The following CARD16 variants were observed in gnomAD, a reference collection of about 807,000 sequenced individuals.
CARD16 encodes caspase recruitment domain family member 16.
CARD16 carries 8 observed loss-of-function variants against 11.9 expected under a neutral mutation model. The observed-to-expected ratio is 0.67, with a 90% CI of 0.39 to 1.21. CARD16 has a LOEUF of 1.21. Ranked by LOEUF, CARD16 falls within the 50% of genes most tolerant of loss-of-function variation. The probability of loss-of-function intolerance (pLI) is 0.01; values close to 1 mark genes in which losing one functional copy is unlikely to be tolerated. For missense variants in CARD16, 131 were observed against 118.1 expected (o/e 1.11, Z -0.51); for synonymous variants, 44 against 43.8 (o/e 1.00, Z -0.02).
intron 2 of CARD16, chr11:105,044,051 C>T (rs1211378083): frequency 1.2e-5 from 5 of 401,806 alleles, no homozygotes; most frequent in Non-Finnish European, 2.3e-5. Context: ...GGCTTAGGGA[C>T]ACCCTGGACA....
At chr11:105,041,986 G>C (rs1864120065) in intron 3 of CARD16, among the ~76,000 whole-genome samples, 2 of 152,076 alleles carry the variant, frequency 1.3e-5, no homozygotes, top group African/African-American at 4.8e-5. Flanking sequence ...AGCTTTTCAA[G>C]GCCATGCATG....
Position 105,044,316 on chromosome 11 carries a change from T to G in CARD16, c.274+76A>C, listed in dbSNP as rs1228610841. The stretch of plus-strand genomic sequence containing the variant: ...TAAGAAGATATTCTGCAGATTAACA[T>G]GACTAGTAAAGAAATCAAATGTTAG... On this transcript the variant is annotated intron_variant, in intron 2 of 3. Coordinates refer to ENST00000673097, the MANE Select transcript of CARD16 (RefSeq NM_052889.4). 5 of 1,602,796 alleles carry G rather than the reference T, an allele frequency of 3.1e-6. No homozygotes were observed. The East Asian group carries it at 8.9e-5, about 29-fold the overall frequency.
intron 3 of CARD16, 99 bp from the exon 4 acceptor site, chr11:105,041,818 G>A: frequency 7.9e-6 from 9 of 1,132,626 alleles, no homozygotes; most frequent in Non-Finnish European, 1.1e-5. Flanking sequence ...CATTCCTAGA[G>A]GACAATCCTA....
At chr11:105,041,795 A>G in intron 3 of CARD16, 76 bp from the exon 4 acceptor site, 2 of 1,374,440 alleles carry the variant, frequency 1.5e-6, no homozygotes, top group African/African-American at 2.9e-5. Flanking sequence ...AGGAAGCTAC[A>G]AAAGAGGAAA....
At chr11:105,042,850 T>C (rs1460277890) in intron 3 of CARD16, among the ~76,000 whole-genome samples, 1 of 152,224 alleles carries the variant, frequency 6.6e-6, no homozygotes, top group Non-Finnish European at 1.5e-5. Flanking sequence ...ATAAATTCAG[T>C]AGAGTAATAT....
chr11:105,043,935 G>A (rs965064267), intron 2 of CARD16: 14 of 247,618 alleles, frequency 5.7e-5, no homozygotes, highest in East Asian at 9.2e-5. Flanking sequence ...ACGTATCATC[G>A]TCACTTAAAT....
chr11:105,041,566 C>A lies in CARD16; in HGVS notation c.*197G>T, dbSNP rs764935029. The stretch of plus-strand genomic sequence containing the variant: ...CATTTCAAAACTGCCTGAAGTATAT[C>A]TTTCACTCCACTTTATTATTGTATT... On this transcript the variant is annotated 3_prime_UTR_variant, in exon 4 of 4. Coordinates refer to ENST00000673097, the MANE Select transcript of CARD16 (RefSeq NM_052889.4). The A allele has an allele frequency of 3.1e-6, 5 of 1,614,114 alleles. No homozygotes were observed. Among genetic ancestry groups the A allele is most frequent in the Non-Finnish European group, 4.2e-6 (5 of 1,179,958 alleles).
intron 1 of CARD16, 28 bp from the exon 2 acceptor site, chr11:105,044,686 T>C (rs912235285): frequency 3.1e-6 from 5 of 1,611,380 alleles, no homozygotes; most frequent in Non-Finnish European, 4.2e-6. Context: ...ATTTCTCACA[T>C]CATGAAAACA....
chr11:105,044,357 C>G (rs766822702), intron 2 of CARD16, 35 bp downstream of exon 2: 1 of 1,613,304 alleles, frequency 6.2e-7, no homozygotes, highest in Non-Finnish European at 8.5e-7. Flanking sequence ...AAGACAGGCC[C>G]TAGGTGAACT....
At chr11:105,045,128 C>T (rs952475880) in intron 1 of CARD16, 163 bp downstream of exon 1, 28 of 1,006,438 alleles carry the variant, frequency 2.8e-5, no homozygotes, top group African/African-American at 4.9e-5. Flanking sequence ...CTTTCTAAAG[C>T]CTGCAAAAAT....
rs1282325662 is a variant in CARD16, at chr11:105,044,621, A to G, written c.45T>C (p.His15=). The part of the protein sequence containing the change: ...VLKEKRKLFI[H]SMGEGTINGL... The stretch of plus-strand genomic sequence containing the variant: ...CATTTATTGTACCTTCACCCATGGA[A>G]TGGATAAACAGCTTTCTCTTCTCCT... Residue 15 remains histidine, a synonymous_variant, in exon 2 of 4, where the codon CAT becomes CAC. Transcript: ENST00000673097. The G allele has an allele frequency of 6.2e-7, 1 of 1,614,084 alleles. No homozygotes were observed. The highest frequency in any genetic ancestry group is 1.1e-5 in the South Asian group (1 of 91,080).
chr11:105,044,121 A>G, intron 2 of CARD16: 2 of 551,594 alleles, frequency 3.6e-6, no homozygotes, highest in South Asian at 2.3e-5. Context: ...AACATATTGT[A>G]TGAAGCTTTC....
intron 1 of CARD16, 72 bp from the exon 2 acceptor site, chr11:105,044,730 T>C: frequency 6.4e-7 from 1 of 1,572,506 alleles, no homozygotes; most frequent in Non-Finnish European, 8.7e-7. Flanking sequence ...CAACAGAAAG[T>C]GACCTCATTT....
Position 105,044,469 on chromosome 11 carries a change from G to T in CARD16, c.197C>A (p.Ala66Glu), listed in dbSNP as rs577987861. The T allele has an allele frequency of 9.3e-6, 15 of 1,613,976 alleles. No homozygotes were observed. Among genetic ancestry groups the T allele is most frequent in the Non-Finnish European group, 1.3e-5 (15 of 1,180,004 alleles). ...ALIDSVIPKG[A>E]QACQICITYI... is the part of the protein sequence containing the mutation. ...TGTGATGCAAATTTGGCATGCCTGT[G>T]CCCCTTTCGGAATAACGGAGTCAAT... Residue 66 changes from alanine to glutamate, a missense_variant, in exon 2 of 4, where the codon GCA becomes GAA. Ala to Glu is a moderately radical substitution (Grantham distance 107). Transcript: ENST00000673097.
rs531697362 is a variant in CARD16 at position 105,041,605 on chromosome 11, C to T, written c.*158G>A. On this transcript the variant is annotated 3_prime_UTR_variant, in exon 4 of 4. Transcript: ENST00000673097. ...TATTATTGTATTCTGAACATGGCACCTCTGCAACTTTTGTTTCCATATCCT... is the reference window on the plus strand; with the variant it reads ...TATTATTGTATTCTGAACATGGCACTTCTGCAACTTTTGTTTCCATATCCT... 1 of 1,614,050 alleles carries T rather than the reference C, an allele frequency of 6.2e-7. No homozygotes were observed. Among genetic ancestry groups the T allele is most frequent in the East Asian group, 2.2e-5 (1 of 44,884 alleles).
chr11:105,044,779 G>C lies in CARD16; in HGVS notation c.8-121C>G, dbSNP rs552816218. The C allele has an allele frequency of 1.1e-4, 163 of 1,510,692 alleles. 1 individual carries two copies. Among genetic ancestry groups the C allele is most frequent in the Middle Eastern group, 3.6e-4 (2 of 5,526 alleles). 93.6% of individuals were successfully genotyped at this position (1,510,692 alleles called of 1,614,324 possible). A position where few individuals can be genotyped will look rare whatever the true frequency, so the allele number is the denominator to read the frequency against. On this transcript the variant is annotated intron_variant, in intron 1 of 3. Coordinates refer to ENST00000673097, the MANE Select transcript of CARD16 (RefSeq NM_052889.4). ...GAAATGTCCCCCTCCTCACAGTTGG[G>C]TAATCCCTCTTCTTACTGTATTGCT...
chr11:105,044,658 T>C lies in CARD16; in HGVS notation c.8A>G (p.Asp3Gly), dbSNP rs1864168930. 6.2e-7 allele frequency: 1 copy of C among 1,613,952 alleles called. No individual in the cohort carries two copies. Among genetic ancestry groups the C allele is most frequent in the African/African-American group, 1.3e-5 (1 of 75,030 alleles). ...CTTTCTCTTCTCCTTCAGGACCTTGTCTGTTTGGAGCACAAGGATTTCTCA... is the reference window on the plus strand; with the variant it reads ...CTTTCTCTTCTCCTTCAGGACCTTGCCTGTTTGGAGCACAAGGATTTCTCA... MADKVLKEKRKLF... is the reference protein window; with the variant it reads MAGKVLKEKRKLF... The change falls in exon 2 of 4, where the codon GAC becomes GGC. Residue 3 changes from aspartate (D) to glycine (G), a missense_variant and splice_region_variant. By Grantham distance (94) the Asp-to-Gly change is moderately conservative (BLOSUM62 -1). Transcript: ENST00000673097.
Position 105,041,733 on chromosome 11 carries a change from G to C in CARD16, c.*44-14C>G. 1 of 1,612,476 alleles carries C rather than the reference G, an allele frequency of 6.2e-7. No individual in the cohort carries two copies. The highest frequency in any genetic ancestry group is 8.5e-7 in the Non-Finnish European group (1 of 1,179,000). Reference sequence around the variant, plus strand: ...CTGCCTGAAGAGCTGCAAGAGACAAGGAATATCATGAACAGTGGTATCCCT... The same window carrying C: ...CTGCCTGAAGAGCTGCAAGAGACAACGAATATCATGAACAGTGGTATCCCT... On this transcript the variant is annotated splice_polypyrimidine_tract_variant and intron_variant, in intron 3 of 3. Transcript: ENST00000673097.
At chr11:105,045,098 C>A in intron 1 of CARD16, 193 bp downstream of exon 1, 1 of 755,372 alleles carries the variant, frequency 1.3e-6, no homozygotes, top group Non-Finnish European at 2.2e-6. Flanking sequence ...AGTCTCTGTT[C>A]CTTTCTGGGC....
Sources: allele counts gnomAD v4.1 joint callset (sites outside exome capture counted in the v4.1 genomes callset), GRCh38; gene constraint gnomAD v4.1.1; transcripts MANE v1.5; gene names NCBI Gene and HGNC (gene_info 2026-07-23, HGNC 2026-07-21).